The following PCDHGA7 variants were observed in gnomAD, a reference collection of about 807,000 sequenced individuals.
PCDHGA7 encodes the protein protocadherin gamma-A7.
PCDHGA7 carries 44 observed loss-of-function variants against 58.3 expected under a neutral mutation model. That is an observed-to-expected ratio of 0.75 (90% CI 0.59 to 0.97). The LOEUF is 0.97. PCDHGA7 is among the 50% of genes least tolerant of loss of function. PCDHGA7 has a pLI of 0.00. For synonymous variants in PCDHGA7, 516 were observed against 504.2 expected (o/e 1.02, Z -0.31); for missense variants, 1,266 against 1,188.7 (o/e 1.06, Z -0.96).
Position 141,408,776 on chromosome 5 carries a change from C to T in PCDHGA7, c.2424+23453C>T, listed in dbSNP as rs748401410. 54 of 1,611,566 alleles carry T rather than the reference C, an allele frequency of 3.4e-5. No homozygotes were observed. The highest frequency in any genetic ancestry group is 4.4e-5 in the Non-Finnish European group (52 of 1,178,840). On this transcript the variant is annotated intron_variant, in intron 1 of 3. Coordinates refer to ENST00000518325, the MANE Select transcript of PCDHGA7 (RefSeq NM_018920.4). Reference sequence around the variant, plus strand: ...AGTTAATTCCGATGGTGGCAAATACCCAGAGTTATCTCTGGAGAAACTCCT... The same window carrying T: ...AGTTAATTCCGATGGTGGCAAATACTCAGAGTTATCTCTGGAGAAACTCCT...
At chr5:141,460,132 T>TAAAA in intron 1 of PCDHGA7, among the ~76,000 whole-genome samples, 1 of 152,036 alleles carries the variant, frequency 6.6e-6, no homozygotes, top group South Asian at 2.1e-4. Context: ...GTAATATATA[T>TAAAA]ATTCTTGATG....
chr5:141,503,221 C>A (rs528636727), intron 2 of PCDHGA7, among the ~76,000 whole-genome samples: 2 of 151,956 alleles, frequency 1.3e-5, no homozygotes, highest in Non-Finnish European at 2.9e-5. Context: ...CCATGAGCAC[C>A]GTAAAGATGG....
At chr5:141,390,019 G>GCCTGCGAC (rs1380063948) in intron 1 of PCDHGA7, 1 of 1,614,002 alleles carries the variant, frequency 6.2e-7, no homozygotes. Context: ...ATTGCCTTGC[G>GCCTGCGAC]CCTGCGACGC....
intron 1 of PCDHGA7, among the ~76,000 whole-genome samples, chr5:141,445,885 G>A (rs1171777990): frequency 1.3e-5 from 2 of 152,148 alleles, no homozygotes; most frequent in African/African-American, 4.8e-5. Flanking sequence ...CTTGTACTTA[G>A]GAGCTATTAA....
chr5:141,471,065 T>C (rs1355886133), intron 1 of PCDHGA7, among the ~76,000 whole-genome samples: 3 of 148,628 alleles, frequency 2.0e-5, no homozygotes, highest in Non-Finnish European at 3.0e-5. Context: ...TTTTTTTTTT[T>C]TGAGACAGGG....
chr5:141,435,718 G>T (rs2097776232), intron 1 of PCDHGA7, among the ~76,000 whole-genome samples: 1 of 152,150 alleles, frequency 6.6e-6, no homozygotes, highest in African/African-American at 2.4e-5. Context: ...GACACTGAAT[G>T]CTAAAGTGTA....
At chr5:141,420,417 A>C (rs112493756) in intron 1 of PCDHGA7, 20 of 1,211,742 alleles carry the variant, frequency 1.7e-5, no homozygotes, top group Admixed American at 1.1e-4. Flanking sequence ...ATCATTATTA[A>C]AACAAAAGTT....
chr5:141,477,569 G>A lies in PCDHGA7; in HGVS notation c.2425-17238G>A. The A allele has an allele frequency of 6.2e-7, 1 of 1,614,104 alleles. No homozygotes were observed. Among genetic ancestry groups the A allele is most frequent in the Non-Finnish European group, 8.5e-7 (1 of 1,180,024 alleles). On this transcript the variant is annotated intron_variant, in intron 1 of 3. Coordinates refer to ENST00000518325, the MANE Select transcript of PCDHGA7 (RefSeq NM_018920.4). This position sits in a 1 kb window ranked among gnomAD's most constrained non-coding sequence, Gnocchi z 4.9. ...ACTAAACCTAAGTGTCTGGGACCCC[G>A]ACGCCCCGCAGAATGCTCGGCTTTC...
intron 1 of PCDHGA7, among the ~76,000 whole-genome samples, chr5:141,443,873 T>A (rs1250320938): frequency 6.6e-6 from 1 of 152,100 alleles, no homozygotes; most frequent in Non-Finnish European, 1.5e-5. Context: ...AAATTACTGA[T>A]AAGTCAAGAG....
intron 1 of PCDHGA7, among the ~76,000 whole-genome samples, chr5:141,449,520 C>T (rs1384869748): frequency 1.4e-5 from 2 of 144,104 alleles, no homozygotes; most frequent in Non-Finnish European, 1.5e-5. Context: ...ACCTGGGAGG[C>T]GGAGGTTGCA....
intron 1 of PCDHGA7, among the ~76,000 whole-genome samples, chr5:141,443,866 T>C (rs1017854695): frequency 6.6e-6 from 1 of 151,986 alleles, no homozygotes; most frequent in Non-Finnish European, 1.5e-5. Context: ...ACTGAAAAAA[T>C]TACTGATAAG....
intron 1 of PCDHGA7, chr5:141,395,542 T>G (rs1357533541): frequency 1.8e-5 from 3 of 170,278 alleles, no homozygotes; most frequent in South Asian, 8.8e-5. Context: ...TTGCTATTGT[T>G]TGTGTGTGTG....
intron 1 of PCDHGA7, chr5:141,405,129 G>C: frequency 6.2e-7 from 1 of 1,613,964 alleles, no homozygotes. Flanking sequence ...CATCTGCTGC[G>C]GGCTACCAGT....
intron 1 of PCDHGA7, chr5:141,399,540 C>T (rs775910113): frequency 9.3e-6 from 15 of 1,614,052 alleles, no homozygotes; most frequent in Non-Finnish European, 1.3e-5. Context: ...CGCAAGTCTG[C>T]GCCTCGGACC....
intron 2 of PCDHGA7, 147 bp from the exon 3 acceptor site, chr5:141,505,246 G>A (rs2099844792): frequency 2.1e-6 from 3 of 1,436,556 alleles, no homozygotes; most frequent in African/African-American, 1.4e-5. Flanking sequence ...AAGGATTGTA[G>A]AAGTGCCTCC....
At chr5:141,390,486 G>A (rs1348752991) in intron 1 of PCDHGA7, 3 of 649,258 alleles carry the variant, frequency 4.6e-6, no homozygotes, top group Non-Finnish European at 7.7e-6. Context: ...ACATTTGTTT[G>A]TTTTTTAGCC....
Position 141,394,580 on chromosome 5 carries a change from C to T in PCDHGA7, c.2424+9257C>T, listed in dbSNP as rs779590383. ...CCGCAGAGCGTGGCTACCTGGTGAC[C>T]AAGGTGGTGGCGGTGGACAGAGACT... On this transcript the variant is annotated intron_variant, in intron 1 of 3. Transcript: ENST00000518325. The T allele has an allele frequency of 1.5e-5, 24 of 1,613,914 alleles. No individual in the cohort carries two copies. The South Asian group carries it at 2.6e-4, about 18-fold the overall frequency.
At chr5:141,484,660 T>G in intron 1 of PCDHGA7, among the ~76,000 whole-genome samples, 1 of 151,976 alleles carries the variant, frequency 6.6e-6, no homozygotes, top group Non-Finnish European at 1.5e-5. Flanking sequence ...ACTCTCCCTC[T>G]CAGTGGGCCG....
chr5:141,391,912 T>C (rs1370313040), intron 1 of PCDHGA7: 1 of 152,228 alleles, frequency 6.6e-6, no homozygotes, highest in Non-Finnish European at 1.5e-5. Context: ...CTTTTTATCA[T>C]ATATTCATCT....
Sources: gnomAD v4.1 joint callset for allele counts (sites outside exome capture counted in the v4.1 genomes callset) on GRCh38, gnomAD v4.1.1 for gene constraint, Gnocchi (gnomAD v3.1) non-coding constraint, MANE v1.5 for transcripts, NCBI Gene and HGNC (gene_info 2026-07-23, HGNC 2026-07-21) for gene names.